Variants in MAGI1 observed in about 807,000 individuals in gnomAD.
MAGI1 encodes the protein membrane associated guanylate kinase, WW and PDZ domain containing 1.
MAGI1 carries 58 observed loss-of-function variants against 139.9 expected under a neutral mutation model. That is an observed-to-expected ratio of 0.41 (90% CI 0.34 to 0.52). MAGI1 has a LOEUF of 0.52. Among genes scored for constraint, MAGI1 ranks in the 20% least tolerant of loss-of-function variants. The pLI is 0.12. For missense variants in MAGI1, 1,874 were observed against 1,901.6 expected (o/e 0.99, Z 0.27); for synonymous variants, 812 against 737.9 (o/e 1.10, Z -1.63).
chr3:65,461,160 C>T (rs1003157116), intron 5 of MAGI1, among the ~76,000 whole-genome samples: 1 of 152,100 alleles, frequency 6.6e-6, no homozygotes, highest in Non-Finnish European at 1.5e-5. Flanking sequence ...TTTACACTCC[C>T]ACCAACAGTG....
chr3:65,502,377 T>G (rs1474791680), intron 2 of MAGI1, among the ~76,000 whole-genome samples: 1 of 139,822 alleles, frequency 7.2e-6, no homozygotes, highest in Non-Finnish European at 1.5e-5. Flanking sequence ...TAATGTCAAT[T>G]TGAGACTTTC....
rs149747128 is a variant in MAGI1 at position 65,685,440 on chromosome 3, C to T, written c.314-63352G>A. ...TTTAAACTTAGTTTTCAAACAGTCT[C>T]TAATGAATATATCGTTTTCATATTC... On this transcript the variant is annotated intron_variant, in intron 1 of 22. Coordinates refer to ENST00000402939, the MANE Select transcript of MAGI1 (RefSeq NM_001033057.2). Among the ~76,000 whole-genome samples the T allele has an allele frequency of 8.3e-3, 1,269 of 152,094 alleles. 21 individuals are homozygous for T. The highest frequency in any genetic ancestry group is 0.029 in the African/African-American group (1,193 of 41,474).
chr3:65,657,502 G>C (rs930665903), intron 1 of MAGI1, among the ~76,000 whole-genome samples: 2 of 151,504 alleles, frequency 1.3e-5, no homozygotes, highest in African/African-American at 4.9e-5. Context: ...CCTCTATTCT[G>C]TGCACACAAC....
At chr3:65,965,167 T>C (rs1392323635) in intron 1 of MAGI1, among the ~76,000 whole-genome samples, 1 of 152,220 alleles carries the variant, frequency 6.6e-6, no homozygotes, top group African/African-American at 2.4e-5. Context: ...AAATGTTCCA[T>C]CTGCCCAGAG....
chr3:65,467,809 C>T (rs113230325), intron 5 of MAGI1, among the ~76,000 whole-genome samples: 3 of 152,142 alleles, frequency 2.0e-5, no homozygotes, highest in Non-Finnish European at 4.4e-5. Flanking sequence ...CTTTTCTCAG[C>T]GTAATTCTTC....
At chr3:66,014,319 G>GCA (rs1576464808) in intron 1 of MAGI1, among the ~76,000 whole-genome samples, 2 of 152,174 alleles carry the variant, frequency 1.3e-5, no homozygotes, top group East Asian at 3.9e-4. Flanking sequence ...TATTTTTAAG[G>GCA]CACACACAAG....
intron 6 of MAGI1, among the ~76,000 whole-genome samples, chr3:65,448,697 T>C (rs1034046348): frequency 7.4e-4 from 111 of 149,856 alleles, no homozygotes; most frequent in African/African-American, 2.6e-3. Flanking sequence ...AGAAAACACA[T>C]ACACACACAC....
chr3:65,417,448 T>C (rs981118816), intron 12 of MAGI1, among the ~76,000 whole-genome samples: 2 of 151,380 alleles, frequency 1.3e-5, no homozygotes, highest in Non-Finnish European at 2.9e-5. Context: ...AATTTTCACA[T>C]GGAACCAAAG....
intron 1 of MAGI1, among the ~76,000 whole-genome samples, chr3:65,729,269 G>A (rs796487991): frequency 1.1e-4 from 17 of 152,158 alleles, no homozygotes; most frequent in African/African-American, 2.6e-4. Flanking sequence ...GTAAGCATAC[G>A]TTGAGGTTGC....
chr3:65,986,273 A>T (rs1047132104), intron 1 of MAGI1, among the ~76,000 whole-genome samples: 2 of 151,706 alleles, frequency 1.3e-5, no homozygotes, highest in African/African-American at 2.4e-5. Context: ...ATTAACTTTT[A>T]AAAAAAAAGA....
intron 2 of MAGI1, among the ~76,000 whole-genome samples, chr3:65,608,005 A>AAGC (rs1241589304): frequency 6.6e-6 from 1 of 152,218 alleles, no homozygotes; most frequent in Non-Finnish European, 1.5e-5. Context: ...ACAACCTACA[A>AAGC]AGCAGGTATC....
At chr3:65,688,175 G>A in intron 1 of MAGI1, 1 of 766,670 alleles carries the variant, frequency 1.3e-6, no homozygotes, top group Non-Finnish European at 2.3e-6. Context: ...ACCCCCGTGA[G>A]AGCGGCAACT....
intron 2 of MAGI1, among the ~76,000 whole-genome samples, chr3:65,598,131 C>G (rs939828679): frequency 1.4e-4 from 21 of 151,584 alleles, no homozygotes; most frequent in African/African-American, 5.1e-4. Flanking sequence ...GTATTTAAGC[C>G]GGGAGTGTGA....
intron 12 of MAGI1, among the ~76,000 whole-genome samples, chr3:65,419,537 C>T (rs939485460): frequency 6.6e-6 from 1 of 152,132 alleles, no homozygotes; most frequent in Admixed American, 6.5e-5. Flanking sequence ...GACCTAACCT[C>T]ACAACCACCA....
chr3:65,652,590 G>A (rs558084514), intron 1 of MAGI1, among the ~76,000 whole-genome samples: 29 of 152,286 alleles, frequency 1.9e-4, no homozygotes, highest in African/African-American at 6.7e-4. Flanking sequence ...CTTTAACTTA[G>A]GGACTAGGGC....
intron 1 of MAGI1, among the ~76,000 whole-genome samples, chr3:65,890,950 C>T (rs369022023): frequency 1.1e-4 from 16 of 152,264 alleles, no homozygotes; most frequent in African/African-American, 3.4e-4. Context: ...TGGTTCACAC[C>T]TCTAATCCTA....
intron 1 of MAGI1, among the ~76,000 whole-genome samples, chr3:65,735,858 C>T (rs1265200744): frequency 6.6e-6 from 1 of 152,188 alleles, no homozygotes; most frequent in Non-Finnish European, 1.5e-5. Context: ...GCCAGGTTAT[C>T]AAGCACTTTA....
At chr3:65,671,055 A>T (rs573720703) in intron 1 of MAGI1, among the ~76,000 whole-genome samples, 28 of 152,302 alleles carry the variant, frequency 1.8e-4, no homozygotes, top group African/African-American at 6.3e-4. Flanking sequence ...AGAATGTAGA[A>T]TCAGCCATGC....
intron 1 of MAGI1, among the ~76,000 whole-genome samples, chr3:65,761,097 G>A (rs751026187): frequency 6.6e-6 from 1 of 152,154 alleles, no homozygotes; most frequent in Non-Finnish European, 1.5e-5. Context: ...CCCTTCCACA[G>A]GATAGATGCA....
Sources: allele counts gnomAD v4.1 joint callset (sites outside exome capture counted in the v4.1 genomes callset), GRCh38; gene constraint gnomAD v4.1.1; transcripts MANE v1.5; gene names NCBI Gene and HGNC (gene_info 2026-07-23, HGNC 2026-07-21).